SRSF10: variants seen among roughly 807,000 people sequenced by gnomAD.
SRSF10 encodes the protein serine and arginine rich splicing factor 10, also known as serine/arginine-rich splicing factor 10.
In SRSF10, 9 loss-of-function variants were observed where a neutral mutation model predicts 32.6. That is an observed-to-expected ratio of 0.28 (90% confidence interval 0.17 to 0.48). The LOEUF (loss-of-function observed/expected upper bound fraction) is 0.48. SRSF10 is among the 20% of genes least tolerant of loss of function. The pLI, the probability that SRSF10 is intolerant of heterozygous loss-of-function variation, is 0.99. For missense variants in SRSF10, 201 were observed against 331.8 expected, an observed-to-expected ratio of 0.61 and a Z score of 3.06; for synonymous variants, 105 against 112.4, an observed-to-expected ratio of 0.93 and a Z score of 0.42.
Position 23,980,326 on chromosome 1 carries a change from T to A in SRSF10, c.-71A>T. ...CGTCCGCGGCTCAGGCGGCCGAGCC[T>A]CAGACACACACAGCTAGAGGGCTCT... On this transcript the variant is annotated 5_prime_UTR_variant, in exon 1 of 6. Transcript: ENST00000492112. 3 of 1,344,324 alleles carry A rather than the reference T, an allele frequency of 2.2e-6. No individual in the cohort carries two copies. Among genetic ancestry groups the A allele is most frequent in the Non-Finnish European group, 2.9e-6 (3 of 1,030,288 alleles). 83.3% of individuals were successfully genotyped at this position (1,344,324 alleles called of 1,614,324 possible).
At position 23,965,414 on chromosome 1, in the gene SRSF10, G is replaced by A. The variant is rs939254488; in HGVS notation, c.*5728C>T. The A allele has an allele frequency of 2.8e-4, 42 of 152,088 alleles. No individual in the cohort carries two copies. Among genetic ancestry groups the A allele is most frequent in the African/African-American group, 9.9e-4 (41 of 41,556 alleles). 9.4% of individuals were successfully genotyped at this position (152,088 alleles called of 1,614,324 possible). A position where few individuals can be genotyped will look rare whatever the true frequency, so the allele number is the denominator to read the frequency against. The stretch of plus-strand genomic sequence containing the variant: ...ACACAACCATAAGATCTTCGAGTAC[G>A]TTTAATCTCTCATCCAGGAACATTA... On this transcript the variant is annotated 3_prime_UTR_variant, in exon 6 of 6. Transcript: ENST00000492112.
At chr1:23,979,054 C>CTTTTTTT (rs1220690496) in intron 1 of SRSF10, 11 of 44,878 alleles carry the variant, frequency 2.5e-4, no homozygotes, top group African/African-American at 8.3e-4. Flanking sequence ...GTATATAAGC[C>CTTTTTTT]TTGTTTTTTT....
In SRSF10 at chr1:23,965,902, C is replaced by T. The variant is rs375904664; in HGVS notation, c.*5240G>A. The T allele has an allele frequency of 1.3e-5, 2 of 151,932 alleles. No individual in the cohort carries two copies. The highest frequency in any genetic ancestry group is 3.9e-4 in the East Asian group (2 of 5,184). 9.4% of individuals were successfully genotyped at this position (151,932 alleles called of 1,614,324 possible). On this transcript the variant is annotated 3_prime_UTR_variant, in exon 6 of 6. Coordinates refer to ENST00000492112, the MANE Select transcript of SRSF10 (RefSeq NM_054016.4). ...GGTAGAGGGCAAAAAAGTCTATAGC[C>T]TCTACATATTCTTTTAAAAATACAT...
At chr1:23,979,544 A>C (rs2148514884) in intron 1 of SRSF10, among the ~76,000 whole-genome samples, 1 of 152,308 alleles carries the variant, frequency 6.6e-6, no homozygotes, top group East Asian at 1.9e-4. Context: ...AATCTAACTT[A>C]GCTGTCAACG....
In SRSF10 at chr1:23,971,915, A is replaced by G. The variant is rs1342434752; in HGVS notation, c.372T>C (p.Tyr124=). 8.1e-6 allele frequency: 13 copies of G among 1,605,040 alleles called. No individual in the cohort carries two copies. Among genetic ancestry groups the G allele is most frequent in the East Asian group, 4.5e-5 (2 of 44,764 alleles). ...DRYRRSRSRS[Y]ERRRSRSRSF... is the part of the protein sequence containing the mutation. ...ACCGACTTCTTGATCTCCTCCTTTC[A>G]TAACTTCGGCTTCTAGAACGTCTGT... The change falls in exon 4 of 6, where the codon TAT becomes TAC. Residue 124 remains tyrosine, a synonymous_variant. Transcript: ENST00000492112.
rs1185221236 is a variant in SRSF10 at position 23,979,965 on chromosome 1, G to C, written c.65+226C>G. On this transcript the variant is annotated intron_variant, in intron 1 of 5. Coordinates refer to ENST00000492112, the MANE Select transcript of SRSF10 (RefSeq NM_054016.4). ...GGGCTGCAAACTGCGGAGGGGGAGG[G>C]GGACCGAAAAACCCCGCCACGCGGC... is the stretch of plus-strand genomic sequence containing the variant. 2.0e-5 allele frequency among the ~76,000 whole-genome samples: 3 copies of C among 152,186 alleles called. No individual in the cohort carries two copies. The South Asian group carries it at 6.2e-4, about 31-fold the overall frequency.
chr1:23,973,900 A>G (rs1641919927), intron 3 of SRSF10, among the ~76,000 whole-genome samples: 1 of 152,168 alleles, frequency 6.6e-6, no homozygotes, highest in Non-Finnish European at 1.5e-5. Flanking sequence ...AAAAAACACA[A>G]TGCATAACCA....
rs1642377997 is a variant in SRSF10 at position 23,980,185 on chromosome 1, A to T, written c.65+6T>A. 9 of 1,531,916 alleles carry T rather than the reference A, an allele frequency of 5.9e-6. No individual in the cohort carries two copies. Among genetic ancestry groups the T allele is most frequent in the Non-Finnish European group, 7.9e-6 (9 of 1,138,388 alleles). The allele number at this position is 1,531,916 out of a possible 1,614,324, so 94.9% of individuals were successfully genotyped here. On this transcript the variant is annotated splice_donor_region_variant and intron_variant, in intron 1 of 5. Coordinates refer to ENST00000492112, the MANE Select transcript of SRSF10 (RefSeq NM_054016.4). Reference sequence around the variant, plus strand: ...CCTAGGCCCGGAGTACCTGCCTTGTACCTACCTGGTGTCGTCGGCCACGTT... The same window carrying T: ...CCTAGGCCCGGAGTACCTGCCTTGTTCCTACCTGGTGTCGTCGGCCACGTT...
chr1:23,971,418 A>G lies in SRSF10; in HGVS notation c.513T>C (p.Ser171=), dbSNP rs1641745416. 6.2e-7 allele frequency: 1 copy of G among 1,609,742 alleles called. No individual in the cohort carries two copies. The highest frequency in any genetic ancestry group is 8.5e-7 in the Non-Finnish European group (1 of 1,179,026). Residue 171 remains serine, a synonymous_variant, in exon 6 of 6, where the codon TCT becomes TCC. Coordinates refer to ENST00000492112, the MANE Select transcript of SRSF10 (RefSeq NM_054016.4). ...TTGAATTGGATTTAGATCTTGAAAA[A>G]GATCGATTTCGGTGTTTGAATCTTT... The part of the protein sequence containing the change: ...DNDRFKHRNR[S]FSRSKSNSRS...
In SRSF10 at chr1:23,971,057, C is replaced by T; in HGVS notation, c.*85G>A. On this transcript the variant is annotated 3_prime_UTR_variant, in exon 6 of 6. Coordinates refer to ENST00000492112, the MANE Select transcript of SRSF10 (RefSeq NM_054016.4). ...AACAAGTGTTTTTTAAGCATCATTG[C>T]AACATTGTATTCCTGATAATTTAAG... 1 of 1,513,234 alleles carries T rather than the reference C, an allele frequency of 6.6e-7. No individual in the cohort carries two copies. The highest frequency in any genetic ancestry group is 8.8e-7 in the Non-Finnish European group (1 of 1,135,376). 93.7% of individuals were successfully genotyped at this position (1,513,234 alleles called of 1,614,324 possible). A position where few individuals can be genotyped will look rare whatever the true frequency, so the allele number is the denominator to read the frequency against.
In SRSF10 at chr1:23,978,270, T is replaced by A. The variant is rs111626095; in HGVS notation, c.170+443A>T. The A allele has an allele frequency of 3.6e-5, 36 of 989,282 alleles. No individual in the cohort carries two copies. The African/African-American group carries it at 4.7e-4, about 13-fold the overall frequency. 61.3% of individuals were successfully genotyped at this position (989,282 alleles called of 1,614,324 possible). On this transcript the variant is annotated intron_variant, in intron 2 of 5. Transcript: ENST00000492112. The stretch of plus-strand genomic sequence containing the variant: ...GTCGCCATAACTGTACAGCTTTACA[T>A]TCTCTGAGGTAACAACAGAGGACAG...
At position 23,969,991 on chromosome 1, in the gene SRSF10, A is replaced by C. The variant is rs1199312326; in HGVS notation, c.*1151T>G. ...ACGAGCCAAGTGCTGTAAGCATCAA[A>C]ATTTCAGTTCTTTTACACTAGGCAC... On this transcript the variant is annotated 3_prime_UTR_variant, in exon 6 of 6. Coordinates refer to ENST00000492112, the MANE Select transcript of SRSF10 (RefSeq NM_054016.4). 2.0e-5 allele frequency: 20 copies of C among 985,410 alleles called. No individual in the cohort carries two copies. In the African/African-American group the frequency reaches 3.1e-4, roughly 15 times the overall value. 61.0% of individuals were successfully genotyped at this position (985,410 alleles called of 1,614,324 possible).
chr1:23,971,482 T>C, intron 5 of SRSF10, 43 bp from the exon 6 acceptor site: 1 of 1,588,166 alleles, frequency 6.3e-7, no homozygotes, highest in East Asian at 2.2e-5. Flanking sequence ...AAAAATTAGA[T>C]TCTATATTAA....
chr1:23,974,897 T>A, intron 3 of SRSF10, 77 bp downstream of exon 3: 1 of 1,066,494 alleles, frequency 9.4e-7, no homozygotes, highest in Non-Finnish European at 1.4e-6. Flanking sequence ...GAAACACAAA[T>A]TGCTTAAATT....
intron 2 of SRSF10, chr1:23,976,466 G>C (rs1025962452): frequency 6.6e-5 from 10 of 152,302 alleles, no homozygotes; most frequent in Admixed American, 6.5e-4. Flanking sequence ...TCAGAACCTT[G>C]AATACTGTAA....
In SRSF10 at chr1:23,970,263, A is replaced by G. The variant is rs1466029458; in HGVS notation, c.*879T>C. The G allele has an allele frequency of 3.6e-5, 35 of 985,056 alleles. No homozygotes were observed. Among genetic ancestry groups the G allele is most frequent in the Non-Finnish European group, 4.2e-5 (35 of 829,902 alleles). 61.0% of individuals were successfully genotyped at this position (985,056 alleles called of 1,614,324 possible). A position where few individuals can be genotyped will look rare whatever the true frequency, so the allele number is the denominator to read the frequency against. ...TGAAGGCTCCATGTTTCAGTCAAAA[A>G]CTCAATTTCCCAGCTGGCATCATTC... On this transcript the variant is annotated 3_prime_UTR_variant, in exon 6 of 6. Coordinates refer to ENST00000492112, the MANE Select transcript of SRSF10 (RefSeq NM_054016.4).
At position 23,970,184 on chromosome 1, in the gene SRSF10, G is replaced by T. The variant is rs1415606283; in HGVS notation, c.*958C>A. The T allele has an allele frequency of 1.0e-4, 101 of 985,350 alleles. 1 individual carries two copies. In the African/African-American group the frequency reaches 1.7e-3, roughly 16 times the overall value. 61.0% of individuals were successfully genotyped at this position (985,350 alleles called of 1,614,324 possible). ...CAACGACCTGCTCAAATTTTAAGGT[G>T]AGTTTTTGTGTTTTCTATGTTCCAA... On this transcript the variant is annotated 3_prime_UTR_variant, in exon 6 of 6. Transcript: ENST00000492112.
rs1570770165 is a variant in SRSF10, at chr1:23,971,131, G to A, written c.*11C>T. 1.3e-6 allele frequency: 2 copies of A among 1,592,048 alleles called. No homozygotes were observed. Among genetic ancestry groups the A allele is most frequent in the African/African-American group, 2.7e-5 (2 of 73,802 alleles). ...ATGATACATGCCTAAAAATGACCAT[G>A]GTTTATACTATCAGTGGCCACTGGA... On this transcript the variant is annotated 3_prime_UTR_variant, in exon 6 of 6. Transcript: ENST00000492112.
intron 3 of SRSF10, among the ~76,000 whole-genome samples, chr1:23,972,907 G>C (rs1230718700): frequency 3.9e-5 from 6 of 152,082 alleles, no homozygotes; most frequent in African/African-American, 1.4e-4. Flanking sequence ...CACCAGGCTA[G>C]TTTCGTATTT....
Sources: gnomAD v4.1 joint callset for allele counts (sites outside exome capture counted in the v4.1 genomes callset) on GRCh38, gnomAD v4.1.1 for gene constraint, MANE v1.5 for transcripts, NCBI Gene and HGNC (gene_info 2026-07-23, HGNC 2026-07-21) for gene names.